The following MAP3K6 variants were observed in gnomAD, a reference collection of about 807,000 sequenced individuals.
The protein encoded by MAP3K6 is apoptosis signal-regulating kinase 2.
MAP3K6 carries 105 observed loss-of-function variants against 147.1 expected under a neutral mutation model. The ratio of observed to expected loss-of-function variants is 0.71; its 90% CI spans 0.61 to 0.84. The LOEUF is 0.84. Among genes scored for constraint, MAP3K6 ranks in the 40% least tolerant of loss-of-function variants. The pLI is 0.00. For missense variants in MAP3K6, 1,569 were observed against 1,715.0 expected (o/e 0.91, Z 1.50); for synonymous variants, 695 against 732.4 (o/e 0.95, Z 0.82).
chr1:27,363,270 C>G (rs1032097192), intron 6 of MAP3K6, among the ~76,000 whole-genome samples, 172 bp downstream of exon 6: 3 of 152,076 alleles, frequency 2.0e-5, no homozygotes, highest in Non-Finnish European at 4.4e-5. Context: ...CCTCCCCCAC[C>G]CCGACCCAGG....
chr1:27,358,938 G>T lies in MAP3K6; in HGVS notation c.2426-72C>A. On this transcript the variant is annotated intron_variant, in intron 18 of 28. Transcript: ENST00000357582. This position sits in a 1 kb window ranked among gnomAD's most constrained non-coding sequence, Gnocchi z 6.2. ...GGGTTGGAGCAGGGAGGGGAATGCCGTCATCCTCAGGCCGACTGCACCCAT... is the reference window on the plus strand; with the variant it reads ...GGGTTGGAGCAGGGAGGGGAATGCCTTCATCCTCAGGCCGACTGCACCCAT... The T allele has an allele frequency of 6.9e-7, 1 of 1,457,004 alleles. No individual in the cohort carries two copies. 90.3% of individuals were successfully genotyped at this position (1,457,004 alleles called of 1,614,324 possible). A position where few individuals can be genotyped will look rare whatever the true frequency, so the allele number is the denominator to read the frequency against.
At position 27,361,039 on chromosome 1, in the gene MAP3K6, G is replaced by T. The variant is rs1349190308; in HGVS notation, c.1833-31C>A. 2.6e-6 allele frequency: 4 copies of T among 1,542,044 alleles called. No homozygotes were observed. In the South Asian group the frequency reaches 4.9e-5, roughly 19 times the overall value. On this transcript the variant is annotated intron_variant, in intron 13 of 28. Transcript: ENST00000357582. ...GGTGGGGGAGGTCAGACCCGCGGGA[G>T]GGGCATCTTGGTCCCCACCTAAGCC...
rs764233014 is a variant in MAP3K6 at position 27,364,243 on chromosome 1, C to T, written c.656G>A (p.Arg219Gln). The T allele has an allele frequency of 7.3e-5, 117 of 1,613,038 alleles. No individual in the cohort carries two copies. Among genetic ancestry groups the T allele is most frequent in the Middle Eastern group, 1.6e-4 (1 of 6,084 alleles). The change falls in exon 4 of 29, where the codon CGG (arginine) becomes CAG (glutamine). Residue 219 changes from arginine (R) to glutamine (Q), a missense_variant. Coordinates refer to ENST00000357582, the MANE Select transcript of MAP3K6 (RefSeq NM_004672.5). This position sits in a 1 kb window ranked among gnomAD's most constrained non-coding sequence, Gnocchi z 4.4. ...TEALLTPLVG[R>Q]LARLLEATPT... ...TGTGGCCTCCAGCAGGCGGGCAAGC[C>T]GGCCCACCAGGGGAGTGAGCAGGGC...
At chr1:27,356,952 G>A (rs966240316) in intron 24 of MAP3K6, 57 bp downstream of exon 24, 1 of 1,556,428 alleles carries the variant, frequency 6.4e-7, no homozygotes, top group Non-Finnish European at 8.8e-7. Context: ...GATGTTCACC[G>A]CGCCCAGCAA....
chr1:27,360,992 G>C lies in MAP3K6; in HGVS notation c.1849C>G (p.Gln617Glu). Residue 617 changes from glutamine to glutamate, a missense_variant, in exon 14 of 29, where the codon CAG (glutamine) becomes GAG (glutamate). By Grantham distance (29) the Gln-to-Glu change is conservative. Coordinates refer to ENST00000357582, the MANE Select transcript of MAP3K6 (RefSeq NM_004672.5). The surrounding 1 kb of genome is among the most constrained non-coding windows in gnomAD (Gnocchi z 4.5). ...GAATCCGGGTTCGTCACCCAGGCCT[G>C]GATCAGGCCGCAGAACCTGAAGGTG... The part of the protein sequence containing the change: ...GHCQWFCGLI[Q>E]AWVTNPDSTA... 1 of 1,599,366 alleles carries C rather than the reference G, an allele frequency of 6.3e-7. No homozygotes were observed. The highest frequency in any genetic ancestry group is 1.7e-5 in the Admixed American group (1 of 58,810).
In MAP3K6 at chr1:27,360,592, A is replaced by C. The variant is rs2015712049; in HGVS notation, c.2054+113T>G. 3 of 1,452,266 alleles carry C rather than the reference A, an allele frequency of 2.1e-6. No homozygotes were observed. The highest frequency in any genetic ancestry group is 2.7e-6 in the Non-Finnish European group (3 of 1,095,898). 90.0% of individuals were successfully genotyped at this position (1,452,266 alleles called of 1,614,324 possible). Reference sequence around the variant, plus strand: ...CCCAGTCCACAGGGCTCGAACTCTCAGGTCCTACGAGCCCGCCCACTAGGC... The same window carrying C: ...CCCAGTCCACAGGGCTCGAACTCTCCGGTCCTACGAGCCCGCCCACTAGGC... On this transcript the variant is annotated intron_variant, in intron 15 of 28. Coordinates refer to ENST00000357582, the MANE Select transcript of MAP3K6 (RefSeq NM_004672.5). The surrounding 1 kb of genome is among the most constrained non-coding windows in gnomAD (Gnocchi z 4.5).
chr1:27,357,455 G>A lies in MAP3K6; in HGVS notation c.3203C>T (p.Ala1068Val). Residue 1068 changes from alanine to valine, a missense_variant, in exon 23 of 29, where the codon GCC becomes GTC. Transcript: ENST00000357582. The stretch of plus-strand genomic sequence containing the variant: ...CAGAAGCGCAGGCCCAAGGCCCTGG[G>A]CCCTCAGCCGTCCTTGCAGCGCCCG... ...ELRALQGRLR[A>V]QGLGPALLHR... 6.2e-7 allele frequency: 1 copy of A among 1,613,526 alleles called. No homozygotes were observed. Among genetic ancestry groups the A allele is most frequent in the Non-Finnish European group, 8.5e-7 (1 of 1,179,820 alleles).
chr1:27,361,740 A>G lies in MAP3K6; in HGVS notation c.1543T>C (p.Phe515Leu), dbSNP rs759985952. 16 of 1,613,312 alleles carry G rather than the reference A, an allele frequency of 9.9e-6. No individual in the cohort carries two copies. The highest frequency in any genetic ancestry group is 3.3e-5 in the Admixed American group (2 of 59,948). ...TCGCCCTGGGCACAGGCTGTCTTGA[A>G]TGGTTGGCAGGACTGTAGCAAGAAG... ...LHFLLQSCQP[F>L]KTACAQGDQC... is the part of the protein sequence containing the mutation. The change falls in exon 10 of 29, where the codon TTC (phenylalanine) becomes CTC (leucine). Residue 515 changes from phenylalanine to leucine, a missense_variant. Physicochemically the swap from Phe to Leu is conservative, Grantham distance 22 (BLOSUM62 0). Transcript: ENST00000357582.
At chr1:27,355,539 G>A (rs2015488737) in intron 28 of MAP3K6, 70 bp from the exon 29 acceptor site, 2 of 1,575,434 alleles carry the variant, frequency 1.3e-6, no homozygotes, top group Non-Finnish European at 8.7e-7. Flanking sequence ...CACACTGTCT[G>A]CCCAGTGCCC....
rs1571068211 is a variant in MAP3K6, at chr1:27,360,180, G to T, written c.2182+61C>A. On this transcript the variant is annotated intron_variant, in intron 16 of 28. Coordinates refer to ENST00000357582, the MANE Select transcript of MAP3K6 (RefSeq NM_004672.5). This position sits in a 1 kb window ranked among gnomAD's most constrained non-coding sequence, Gnocchi z 4.5. ...TTTCCCCCTAGGGCTCTCTACCCCTGCCTGCCTCGGTCCCATGCTTCACAC... is the reference window on the plus strand; with the variant it reads ...TTTCCCCCTAGGGCTCTCTACCCCTTCCTGCCTCGGTCCCATGCTTCACAC... 6.2e-7 allele frequency: 1 copy of T among 1,602,160 alleles called. No individual in the cohort carries two copies. Among genetic ancestry groups the T allele is most frequent in the East Asian group, 2.2e-5 (1 of 44,636 alleles).
chr1:27,356,530 G>T lies in MAP3K6; in HGVS notation c.3525-30C>A, dbSNP rs553143144. 3.0e-5 allele frequency: 49 copies of T among 1,611,210 alleles called. 1 individual carries two copies. The Admixed American group carries it at 8.1e-4, about 26-fold the overall frequency. On this transcript the variant is annotated intron_variant, in intron 25 of 28. Coordinates refer to ENST00000357582, the MANE Select transcript of MAP3K6 (RefSeq NM_004672.5). ...GGGGCGCAGAAGAGTAGAATGGAGC[G>T]GTGAGTGGTGAGTGGGTTGAAGCCC...
rs772843195 is a variant in MAP3K6 at position 27,360,232 on chromosome 1, G to A, written c.2182+9C>T. 1.2e-4 allele frequency: 193 copies of A among 1,613,704 alleles called. No homozygotes were observed. Among genetic ancestry groups the A allele is most frequent in the Non-Finnish European group, 1.5e-4 (176 of 1,179,880 alleles). ...TCGGTTTCATTCCCATCCCACACAG[G>A]GCAGGTACCTCCAGGCACTTCCTCC... is the stretch of plus-strand genomic sequence containing the variant. On this transcript the variant is annotated intron_variant, in intron 16 of 28. Transcript: ENST00000357582. The surrounding 1 kb of genome is among the most constrained non-coding windows in gnomAD (Gnocchi z 4.5).
intron 8 of MAP3K6, 41 bp from the exon 9 acceptor site, chr1:27,362,291 G>C: frequency 6.4e-7 from 1 of 1,571,370 alleles, no homozygotes; most frequent in South Asian, 1.2e-5. Context: ...TGTGGGTGCA[G>C]GGGTGAGTGA....
At position 27,355,480 on chromosome 1, in the gene MAP3K6, T is replaced by A; in HGVS notation, c.3789-11A>T. On this transcript the variant is annotated splice_polypyrimidine_tract_variant and intron_variant, in intron 28 of 28. Coordinates refer to ENST00000357582, the MANE Select transcript of MAP3K6 (RefSeq NM_004672.5). The stretch of plus-strand genomic sequence containing the variant: ...CATACCATCCCTCCCCTGGGGGTAA[T>A]GGACTCAGTGTGGCTCAGCCAGAAG... 1 of 1,613,892 alleles carries A rather than the reference T, an allele frequency of 6.2e-7. No individual in the cohort carries two copies. Among genetic ancestry groups the A allele is most frequent in the Non-Finnish European group, 8.5e-7 (1 of 1,179,840 alleles).
chr1:27,360,757 G>C lies in MAP3K6; in HGVS notation c.2002C>G (p.Arg668Gly), dbSNP rs55869163. The C allele has an allele frequency of 5.7e-4, 921 of 1,612,664 alleles. 1 individual carries two copies. The highest frequency in any genetic ancestry group is 2.9e-3 in the African/African-American group (219 of 75,050). Residue 668 changes from arginine (R) to glycine (G), a missense_variant, in exon 15 of 29, where the codon CGC becomes GGC. Arg to Gly is a moderately radical substitution (Grantham distance 125). Coordinates refer to ENST00000357582, the MANE Select transcript of MAP3K6 (RefSeq NM_004672.5). This position sits in a 1 kb window ranked among gnomAD's most constrained non-coding sequence, Gnocchi z 4.5. Reference sequence around the variant, plus strand: ...ATGGCGATGCGCACCCTCGTGTGGCGATCGCGGCCCGCGTACACCACCCCA... The same window carrying C: ...ATGGCGATGCGCACCCTCGTGTGGCCATCGCGGCCCGCGTACACCACCCCA... ...TYGVVYAGRDRHTRVRIAIKE... is the reference protein window; with the variant it reads ...TYGVVYAGRDGHTRVRIAIKE...
At chr1:27,361,459 G>A (rs1441502212) in intron 11 of MAP3K6, 61 bp downstream of exon 11, 30 of 1,610,390 alleles carry the variant, frequency 1.9e-5, no homozygotes, top group Non-Finnish European at 2.4e-5. Context: ...GAGGATGGGA[G>A]AAAGGCTCCA....
Position 27,360,236 on chromosome 1 carries a change from G to A in MAP3K6, c.2182+5C>T. 3.1e-6 allele frequency: 5 copies of A among 1,613,950 alleles called. No individual in the cohort carries two copies. Among genetic ancestry groups the A allele is most frequent in the South Asian group, 2.2e-5 (2 of 91,072 alleles). ...TTTCATTCCCATCCCACACAGGGCA[G>A]GTACCTCCAGGCACTTCCTCCATGA... On this transcript the variant is annotated splice_donor_5th_base_variant and intron_variant, in intron 16 of 28. Transcript: ENST00000357582. This position sits in a 1 kb window ranked among gnomAD's most constrained non-coding sequence, Gnocchi z 4.5.
Position 27,364,471 on chromosome 1 carries a change from G to C in MAP3K6, c.505-77C>G, listed in dbSNP as rs552438663. The C allele has an allele frequency of 6.4e-7, 1 of 1,570,040 alleles. No homozygotes were observed. Among genetic ancestry groups the C allele is most frequent in the African/African-American group, 1.3e-5 (1 of 74,144 alleles). ...GACAAGGGGAGTGAGAGCATCAAAGGTCAGCATCAGTGGGAATTGGAATCG... is the reference window on the plus strand; with the variant it reads ...GACAAGGGGAGTGAGAGCATCAAAGCTCAGCATCAGTGGGAATTGGAATCG... On this transcript the variant is annotated intron_variant, in intron 3 of 28. Coordinates refer to ENST00000357582, the MANE Select transcript of MAP3K6 (RefSeq NM_004672.5). This position sits in a 1 kb window ranked among gnomAD's most constrained non-coding sequence, Gnocchi z 4.4.
intron 23 of MAP3K6, 87 bp downstream of exon 23, chr1:27,357,313 G>A (rs2015564276): frequency 2.7e-6 from 4 of 1,494,386 alleles, no homozygotes; most frequent in Non-Finnish European, 2.7e-6. Flanking sequence ...CAGGGAATCT[G>A]GGAACGTCAA....
Sources: allele counts gnomAD v4.1 joint callset (sites outside exome capture counted in the v4.1 genomes callset), GRCh38; gene constraint gnomAD v4.1.1; non-coding constraint Gnocchi (gnomAD v3.1); transcripts MANE v1.5; gene names NCBI Gene and HGNC (gene_info 2026-07-23, HGNC 2026-07-21).